Variants in CHN2 observed in about 807,000 individuals in gnomAD.
CHN2 encodes the protein chimerin 2.
In CHN2, 35 loss-of-function variants were observed where a neutral mutation model predicts 56.3. The ratio of observed to expected loss-of-function variants is 0.62; its 90% confidence interval spans 0.47 to 0.82. The LOEUF (loss-of-function observed/expected upper bound fraction) is 0.82. Among genes scored for constraint, CHN2 ranks in the 40% least tolerant of loss-of-function variants. CHN2 has a pLI of 0.00. For missense variants in CHN2, 491 were observed against 580.5 expected (o/e 0.85, Z 1.58); for synonymous variants, 210 against 212.8 (o/e 0.99, Z 0.12).
intron 1 of CHN2, among the ~76,000 whole-genome samples, chr7:29,276,017 G>C (rs534380321): frequency 1.1e-4 from 17 of 151,926 alleles, no homozygotes; most frequent in African/African-American, 3.1e-4. Context: ...CAATATGCCT[G>C]TATGACAAAC....
chr7:29,283,018 A>G (rs767575915), intron 1 of CHN2, among the ~76,000 whole-genome samples: 4 of 152,314 alleles, frequency 2.6e-5, no homozygotes, highest in Non-Finnish European at 5.9e-5. Context: ...CAAAGAGGAC[A>G]GCTGGCCAGT....
rs1783313186 is a variant in CHN2, at chr7:29,437,439, A to G, written c.576+36611A>G. 1.5e-5 allele frequency among the ~76,000 whole-genome samples: 2 copies of G among 131,902 alleles called. 1 individual carries two copies. Among genetic ancestry groups the G allele is most frequent in the Admixed American group, 1.5e-4 (2 of 13,568 alleles). 86.5% of individuals were successfully genotyped at this position (131,902 alleles called of 152,430 possible). ...CGGTGAAACCCCGTCTCTACTAAAA[A>G]TACAAAAAATTAGCCGGGCGTGGTG... On this transcript the variant is annotated intron_variant, in intron 6 of 12. Coordinates refer to ENST00000222792, the MANE Select transcript of CHN2 (RefSeq NM_004067.4).
At chr7:29,166,781 A>C in intron 2 of CHN2, among the ~76,000 whole-genome samples, 1 of 152,058 alleles carries the variant, frequency 6.6e-6, no homozygotes, top group East Asian at 1.9e-4. Context: ...AAGGTTTATC[A>C]CTCACTGATC....
upstream of CHN2, chr7:29,192,008 T>C (rs1031717408): frequency 1.3e-5 from 2 of 150,822 alleles, no homozygotes; most frequent in African/African-American, 4.9e-5. Flanking sequence ...GTTTTCTGCA[T>C]TGGTTATGGC....
chr7:29,252,741 G>C (rs549738364), intron 1 of CHN2, among the ~76,000 whole-genome samples: 1 of 127,776 alleles, frequency 7.8e-6, no homozygotes, highest in East Asian at 2.0e-4. Flanking sequence ...GACTACAGGC[G>C]CCCGCCACCG....
chr7:29,513,821 G>A lies in CHN2; in HGVS notation c.*1086G>A, dbSNP rs1315923477. 2 of 152,624 alleles carry A rather than the reference G, an allele frequency of 1.3e-5. No individual in the cohort carries two copies. Among genetic ancestry groups the A allele is most frequent in the Non-Finnish European group, 2.9e-5 (2 of 68,036 alleles). The allele number at this position is 152,624 out of a possible 1,614,324, so 9.5% of individuals were successfully genotyped here. ...GTTCCTCCTTGACAAAAGTAGCTCT[G>A]TGTGGATAATATGATTTTATTACTA... On this transcript the variant is annotated 3_prime_UTR_variant, in exon 13 of 13. Transcript: ENST00000222792.
At position 29,494,994 on chromosome 7, in the gene CHN2, CTTTT is replaced by C. The variant is rs1438779532; in HGVS notation, c.655-957_655-954del. Among the ~76,000 whole-genome samples, 4 of 100,540 alleles carry C rather than the reference CTTTT, an allele frequency of 4.0e-5. No homozygotes were observed. The East Asian group carries it at 9.6e-4, about 24-fold the overall frequency. The allele number at this position is 100,540 out of a possible 152,430, so 66.0% of individuals were successfully genotyped here. The stretch of plus-strand genomic sequence containing the variant: ...AAAAAAAAAAAAATTGTCTACATTT[CTTTT>C]GTTAATAGAGGTTTATGACTTTGAA... On this transcript the variant is annotated intron_variant, in intron 7 of 12. Coordinates refer to ENST00000222792, the MANE Select transcript of CHN2 (RefSeq NM_004067.4).
chr7:29,351,488 C>T (rs1358715933), intron 1 of CHN2, among the ~76,000 whole-genome samples: 1 of 152,102 alleles, frequency 6.6e-6, no homozygotes, highest in East Asian at 1.9e-4. Flanking sequence ...GGTAATAGTG[C>T]CGTGAAGAAA....
At chr7:29,327,983 G>A (rs539903531) in intron 1 of CHN2, among the ~76,000 whole-genome samples, 1 of 152,274 alleles carries the variant, frequency 6.6e-6, no homozygotes, top group Admixed American at 6.5e-5. Flanking sequence ...AAAGCATAAT[G>A]TTTGATTGTC....
intron 2 of CHN2, among the ~76,000 whole-genome samples, chr7:29,162,661 CAAAAAA>C (rs35159645): frequency 1.7e-5 from 1 of 58,360 alleles, no homozygotes; most frequent in Non-Finnish European, 4.5e-5. Flanking sequence ...AACTCCATCT[CAAAAAA>C]AAAAAAAAAA....
intron 7 of CHN2, chr7:29,484,071 C>T (rs1787677260): frequency 2.3e-6 from 1 of 432,378 alleles, no homozygotes; most frequent in Admixed American, 3.0e-5. Context: ...ATTTTCTACC[C>T]TCTCTTCTTC....
At chr7:29,233,532 G>A (rs1786884761) in intron 1 of CHN2, among the ~76,000 whole-genome samples, 1 of 152,146 alleles carries the variant, frequency 6.6e-6, no homozygotes, top group African/African-American at 2.4e-5. Context: ...GGGAATTAAG[G>A]TTGGAGATGG....
At chr7:29,325,869 G>T (rs1167084110) in intron 1 of CHN2, among the ~76,000 whole-genome samples, 1 of 152,130 alleles carries the variant, frequency 6.6e-6, no homozygotes. Flanking sequence ...AGATGTAGCT[G>T]AAAAAAACTT....
chr7:29,281,566 A>G (rs886619888), intron 1 of CHN2, among the ~76,000 whole-genome samples: 1 of 152,208 alleles, frequency 6.6e-6, no homozygotes, highest in African/African-American at 2.4e-5. Flanking sequence ...AGTGGCTCCA[A>G]GTTCCCCTCC....
intron 1 of CHN2, among the ~76,000 whole-genome samples, chr7:29,201,615 A>G (rs959261491): frequency 6.6e-6 from 1 of 152,194 alleles, no homozygotes; most frequent in African/African-American, 2.4e-5. Context: ...ACCATTAGTC[A>G]CATGTGGCTA....
At position 29,165,349 on chromosome 7, in the gene CHN2, A is replaced by G. The variant is rs184805674; in HGVS notation, c.274+18389A>G. 2.6e-3 allele frequency among the ~76,000 whole-genome samples: 394 copies of G among 152,312 alleles called. 8 individuals are homozygous for G. The highest frequency in any genetic ancestry group is 6.6e-4 in the Non-Finnish European group (45 of 68,020). ...TTGATCTTTACTACTGTATAGAAAC[A>G]AAATTGATTTTTATATATTACTCTT... On this transcript the variant is annotated intron_variant, in intron 2 of 6. Coordinates refer to the CHN2 transcript ENST00000439384.
At chr7:29,369,897 C>T (rs1205408424) in intron 3 of CHN2, among the ~76,000 whole-genome samples, 4 of 152,164 alleles carry the variant, frequency 2.6e-5, no homozygotes, top group Non-Finnish European at 4.4e-5. Flanking sequence ...TTTGACCTTA[C>T]CAATTTGATA....
At chr7:29,426,315 A>G (rs2391758) in intron 6 of CHN2, among the ~76,000 whole-genome samples, 7,402 of 77,976 alleles carry the variant, frequency 0.095, 580 homozygotes, top group African/African-American at 0.28. Context: ...CTTACCTTTT[A>G]TATGGTTAAT....
chr7:29,266,181 C>T (rs962714816), intron 1 of CHN2, among the ~76,000 whole-genome samples: 1 of 152,204 alleles, frequency 6.6e-6, no homozygotes, highest in African/African-American at 2.4e-5. Flanking sequence ...TCCTAGGAAA[C>T]TGGAACACCA....
Sources: gnomAD v4.1 joint callset for allele counts (sites outside exome capture counted in the v4.1 genomes callset) on GRCh38, gnomAD v4.1.1 for gene constraint, MANE v1.5 for transcripts, NCBI Gene and HGNC (gene_info 2026-07-23, HGNC 2026-07-21) for gene names.